Variants in PPP1R12B observed in about 807,000 individuals in gnomAD.
The protein encoded by PPP1R12B is myosin phosphatase target subunit 2.
PPP1R12B carries 76 observed loss-of-function variants against 126.1 expected under a neutral mutation model. That is an observed-to-expected ratio of 0.60 (90% CI 0.50 to 0.73). PPP1R12B has a LOEUF of 0.73. PPP1R12B is among the 30% of genes least tolerant of loss of function. PPP1R12B has a pLI of 0.00. For synonymous variants in PPP1R12B, 356 were observed against 434.7 expected, an observed-to-expected ratio of 0.82 and a Z score of 2.25; for missense variants, 1,052 against 1,205.1, an observed-to-expected ratio of 0.87 and a Z score of 1.88.
chr1:202,462,781 A>G (rs1244450179), intron 13 of PPP1R12B: 1 of 984,988 alleles, frequency 1.0e-6, no homozygotes, highest in African/African-American at 1.7e-5. Flanking sequence ...TCCAGTGTTT[A>G]GAGAAGGACA....
chr1:202,443,765 G>A (rs980655944), intron 12 of PPP1R12B, among the ~76,000 whole-genome samples: 1 of 152,220 alleles, frequency 6.6e-6, no homozygotes, highest in Non-Finnish European at 1.5e-5. Flanking sequence ...CTAGATCAAG[G>A]GAAGGGAGAA....
At chr1:202,424,385 G>T (rs577566170) in intron 3 of PPP1R12B, among the ~76,000 whole-genome samples, 2 of 150,812 alleles carry the variant, frequency 1.3e-5, no homozygotes, top group Admixed American at 6.6e-5. Flanking sequence ...GTGCAGTGGC[G>T]CAATCCCAGC....
chr1:202,392,189 T>G (rs1424948091), intron 1 of PPP1R12B, among the ~76,000 whole-genome samples: 1 of 152,118 alleles, frequency 6.6e-6, no homozygotes. Context: ...ACAAAAATGT[T>G]AATGGCAGCA....
intron 18 of PPP1R12B, among the ~76,000 whole-genome samples, chr1:202,519,465 T>C (rs1440703721): frequency 2.0e-5 from 3 of 151,994 alleles, no homozygotes; most frequent in Admixed American, 1.3e-4. Flanking sequence ...AAAGATGGGC[T>C]TTTGCTATGT....
intron 6 of PPP1R12B, 72 bp from the exon 7 acceptor site, chr1:202,430,659 G>C: frequency 6.6e-7 from 1 of 1,525,656 alleles, no homozygotes; most frequent in Non-Finnish European, 9.0e-7. Flanking sequence ...GTACCATTTT[G>C]GTTCTCAATA....
chr1:202,491,173 G>T (rs537416404), intron 14 of PPP1R12B, among the ~76,000 whole-genome samples: 1 of 152,210 alleles, frequency 6.6e-6, no homozygotes, highest in African/African-American at 2.4e-5. Context: ...CACGCAGGCC[G>T]GGGTGCAATG....
At chr1:202,493,011 T>G in intron 14 of PPP1R12B, 103 bp from the exon 15 acceptor site, 1 of 1,238,538 alleles carries the variant, frequency 8.1e-7, no homozygotes, top group Non-Finnish European at 1.1e-6. Context: ...GGCTTCATTT[T>G]GGGATTTGAT....
chr1:202,393,282 G>A (rs565966725), intron 1 of PPP1R12B, among the ~76,000 whole-genome samples: 1 of 152,000 alleles, frequency 6.6e-6, no homozygotes, highest in Admixed American at 6.6e-5. Context: ...CAATTGTATG[G>A]TATGTGAATT....
intron 1 of PPP1R12B, among the ~76,000 whole-genome samples, chr1:202,357,417 G>GT (rs919943962): frequency 5.2e-4 from 78 of 151,140 alleles, no homozygotes; most frequent in African/African-American, 1.0e-3. Flanking sequence ...GTTATATGAA[G>GT]TTTTTTTTTG....
At position 202,442,472 on chromosome 1, in the gene PPP1R12B, AG is replaced by A; in HGVS notation, c.1568del (p.Ser523MetfsTer32). On this transcript the variant is annotated frameshift_variant, in exon 12 of 24. Coordinates refer to ENST00000608999, the MANE Select transcript of PPP1R12B (RefSeq NM_002481.4). LOFTEE classifies it high-confidence loss of function. ...AGAATCAGCTGTTAATCTAGTGAGG[AG>A]TGGCTCCTATACCCGGCAGCTATGG... ...NRESAVNLVR[S>X]GSYTRQLWRD... is the part of the protein sequence containing the mutation. The A allele has an allele frequency of 6.2e-7, 1 of 1,613,406 alleles. No individual in the cohort carries two copies. Among genetic ancestry groups the A allele is most frequent in the Non-Finnish European group, 8.5e-7 (1 of 1,179,730 alleles).
intron 13 of PPP1R12B, chr1:202,474,016 G>A (rs1676297878): frequency 1.9e-6 from 1 of 515,202 alleles, no homozygotes; most frequent in African/African-American, 1.9e-5. Flanking sequence ...GGGTGGTACA[G>A]GGAAAGGTGT....
chr1:202,425,490 T>C, intron 3 of PPP1R12B, 76 bp from the exon 4 acceptor site: 1 of 1,472,478 alleles, frequency 6.8e-7, no homozygotes, highest in Non-Finnish European at 9.3e-7. Flanking sequence ...TGATGTGCTT[T>C]AATCTAAGGA....
At chr1:202,454,867 A>T in intron 13 of PPP1R12B, among the ~76,000 whole-genome samples, 1 of 152,050 alleles carries the variant, frequency 6.6e-6, no homozygotes, top group Non-Finnish European at 1.5e-5. Flanking sequence ...GGCTACCATG[A>T]ACTATTATAA....
intron 12 of PPP1R12B, chr1:202,448,232 G>A (rs1672512334): frequency 6.6e-6 from 1 of 152,152 alleles, no homozygotes; most frequent in Admixed American, 6.5e-5. Flanking sequence ...CTTTTTGGGT[G>A]GAGAGCCAAT....
rs543371553 is a variant in PPP1R12B at position 202,439,447 on chromosome 1, G to A, written c.1459-1259G>A. 9.6e-5 allele frequency: 131 copies of A among 1,369,084 alleles called. No individual in the cohort carries two copies. In the African/African-American group the frequency reaches 1.4e-3, roughly 15 times the overall value. The allele number at this position is 1,369,084 out of a possible 1,614,324, so 84.8% of individuals were successfully genotyped here. A position where few individuals can be genotyped will look rare whatever the true frequency, so the allele number is the denominator to read the frequency against. On this transcript the variant is annotated intron_variant, in intron 10 of 23. Coordinates refer to ENST00000608999, the MANE Select transcript of PPP1R12B (RefSeq NM_002481.4). ...TGGAAAATGCTGGGCGACCCCAGCT[G>A]GCTGCCCGCCAAGTGCCCCGGCAAG...
chr1:202,521,774 A>G (rs1332693304), intron 18 of PPP1R12B, among the ~76,000 whole-genome samples: 1 of 152,218 alleles, frequency 6.6e-6, no homozygotes, highest in Non-Finnish European at 1.5e-5. Flanking sequence ...AAAAGAATGA[A>G]TAAAAAAGTG....
chr1:202,560,026 A>G (rs1687360040), intron 19 of PPP1R12B, among the ~76,000 whole-genome samples: 1 of 152,174 alleles, frequency 6.6e-6, no homozygotes. Flanking sequence ...TCACATGTAT[A>G]AGGTGACTTC....
At chr1:202,550,643 C>T (rs1444058560) in intron 18 of PPP1R12B, among the ~76,000 whole-genome samples, 1 of 152,058 alleles carries the variant, frequency 6.6e-6, no homozygotes, top group Admixed American at 6.6e-5. Context: ...AAACTCCAAG[C>T]TATGGGGAAA....
chr1:202,472,142 C>T (rs948773463), intron 13 of PPP1R12B: 20 of 1,251,524 alleles, frequency 1.6e-5, no homozygotes, highest in African/African-American at 3.1e-5. Flanking sequence ...AGGTCATCAC[C>T]GCCGGAAAAC....
Sources: allele counts gnomAD v4.1 joint callset (sites outside exome capture counted in the v4.1 genomes callset), GRCh38; gene constraint gnomAD v4.1.1; transcripts MANE v1.5; gene names NCBI Gene and HGNC (gene_info 2026-07-23, HGNC 2026-07-21).